CMIP: variants seen among roughly 807,000 people sequenced by gnomAD.
CMIP encodes C-Maf-inducing protein.
Under a neutral mutation model 97.3 loss-of-function variants are expected in CMIP, and 13 were observed. The observed-to-expected ratio is 0.13, with a 90% CI of 0.09 to 0.21. The LOEUF (loss-of-function observed/expected upper bound fraction) is 0.21, where lower values mean the gene tolerates loss of function less well. Among genes scored for constraint, CMIP ranks in the 10% least tolerant of loss-of-function variants. The pLI is 1.00. For synonymous variants in CMIP, 538 were observed against 436.3 expected, an observed-to-expected ratio of 1.23 and a Z score of -2.91; for missense variants, 847 against 1,024.9, an observed-to-expected ratio of 0.83 and a Z score of 2.37.
chr16:81,449,701 G>A (rs952828702), intron 1 of CMIP, among the ~76,000 whole-genome samples: 11 of 150,278 alleles, frequency 7.3e-5, no homozygotes, highest in African/African-American at 2.5e-4. Flanking sequence ...ATTTGTCATA[G>A]GAGGATTTTG....
intron 10 of CMIP, among the ~76,000 whole-genome samples, chr16:81,681,938 G>T (rs549047022): frequency 2.0e-5 from 3 of 152,332 alleles, no homozygotes; most frequent in Admixed American, 6.5e-5. Flanking sequence ...GCCTGGTGCG[G>T]TGGCTCACGC....
intron 1 of CMIP, 127 bp from the exon 2 acceptor site, chr16:81,607,440 G>GAGCTCCT: frequency 2.4e-6 from 3 of 1,235,630 alleles, no homozygotes; most frequent in Non-Finnish European, 3.4e-6. Context: ...CAGAGGTGCT[G>GAGCTCCT]AGCTCCTGCA....
intron 1 of CMIP, among the ~76,000 whole-genome samples, chr16:81,459,111 T>C (rs1482961299): frequency 2.0e-5 from 3 of 152,270 alleles, no homozygotes; most frequent in East Asian, 3.9e-4. Flanking sequence ...ACCGCTTCTC[T>C]TGTGTTGGGT....
At chr16:81,510,242 C>T (rs1416512254) in intron 1 of CMIP, among the ~76,000 whole-genome samples, 1 of 152,104 alleles carries the variant, frequency 6.6e-6, no homozygotes, top group African/African-American at 2.4e-5. Context: ...TCACAGCTGC[C>T]CAGGAGCTCC....
At chr16:81,499,737 GTCCTTTACCCC>G (rs1352184617) in intron 1 of CMIP, among the ~76,000 whole-genome samples, 3 of 152,250 alleles carry the variant, frequency 2.0e-5, no homozygotes, top group African/African-American at 7.2e-5. Context: ...TCCCCGTCCA[GTCCTTTACCCC>G]TCCTTTACCC....
chr16:81,487,839 GCAGCA>G (rs1164082071), intron 1 of CMIP, among the ~76,000 whole-genome samples: 2 of 152,166 alleles, frequency 1.3e-5, no homozygotes, highest in East Asian at 3.9e-4. Context: ...GCTTAGCCCA[GCAGCA>G]TCTCAGAGCA....
chr16:81,574,761 G>A (rs535605275), intron 1 of CMIP, among the ~76,000 whole-genome samples: 2 of 152,142 alleles, frequency 1.3e-5, no homozygotes, highest in African/African-American at 2.4e-5. Context: ...CCCTGTTCTC[G>A]GGAGGCTCAC....
At chr16:81,555,784 G>A (rs1324531920) in intron 1 of CMIP, among the ~76,000 whole-genome samples, 2 of 152,172 alleles carry the variant, frequency 1.3e-5, no homozygotes, top group Admixed American at 6.5e-5. Flanking sequence ...CTCCGGGCTG[G>A]TTATTGCCAT....
intron 1 of CMIP, among the ~76,000 whole-genome samples, chr16:81,564,195 C>G (rs966736062): frequency 8.5e-5 from 13 of 152,202 alleles, no homozygotes; most frequent in Non-Finnish European, 1.3e-4. Flanking sequence ...GCCGCCCTCA[C>G]ACAGGCAAGG....
At chr16:81,564,716 C>T (rs1380765889) in intron 1 of CMIP, among the ~76,000 whole-genome samples, 3 of 152,190 alleles carry the variant, frequency 2.0e-5, no homozygotes, top group African/African-American at 7.2e-5. Context: ...GATGACCCTG[C>T]AGATTGCACT....
At chr16:81,645,836 A>G (rs1239424131) in intron 3 of CMIP, 6 of 568,654 alleles carry the variant, frequency 1.1e-5, no homozygotes, top group Non-Finnish European at 1.6e-5. Context: ...TAAGTGTTTT[A>G]TATATTATCT....
chr16:81,580,145 C>T (rs2091271315), intron 1 of CMIP, among the ~76,000 whole-genome samples: 1 of 152,180 alleles, frequency 6.6e-6, no homozygotes, highest in South Asian at 2.1e-4. Flanking sequence ...TGCTTAGCTG[C>T]CTTGACACCC....
At position 81,671,925 on chromosome 16, in the gene CMIP, C is replaced by T. The variant is rs555892804; in HGVS notation, c.930-41C>T. 144 of 1,148,394 alleles carry T rather than the reference C, an allele frequency of 1.3e-4. 4 individuals carry two copies. In the South Asian group the frequency reaches 1.7e-3, roughly 13 times the overall value. The allele number at this position is 1,148,394 out of a possible 1,614,324, so 71.1% of individuals were successfully genotyped here. ...CCCCTTACCCTGTCCATGGGCCCCA[C>T]TCCTGCAGGCTTCTCACCCCAGCCC... is the stretch of plus-strand genomic sequence containing the variant. On this transcript the variant is annotated intron_variant, in intron 8 of 20. Transcript: ENST00000537098.
Position 81,674,000 on chromosome 16 carries a change from G to T in CMIP, c.1034+1930G>T, listed in dbSNP as rs76556274. ...AGGGGGGATTTCTCAAACAAATGCC[G>T]TACTGCTGAGTTCTTCGGAGGGGCA... On this transcript the variant is annotated intron_variant, in intron 9 of 20. Coordinates refer to ENST00000537098, the MANE Select transcript of CMIP (RefSeq NM_198390.3). Among the ~76,000 whole-genome samples, 335 of 152,336 alleles carry T rather than the reference G, an allele frequency of 2.2e-3. 5 individuals are homozygous for T. The highest frequency in any genetic ancestry group is 7.9e-3 in the African/African-American group (328 of 41,564).
At chr16:81,635,749 G>A (rs960232867) in intron 3 of CMIP, among the ~76,000 whole-genome samples, 12 of 152,186 alleles carry the variant, frequency 7.9e-5, no homozygotes, top group African/African-American at 2.7e-4. Context: ...TAAATAAGGA[G>A]TTTTCAGGGT....
At chr16:81,485,843 T>G (rs915573064) in intron 1 of CMIP, among the ~76,000 whole-genome samples, 1 of 152,314 alleles carries the variant, frequency 6.6e-6, no homozygotes, top group South Asian at 2.1e-4. Flanking sequence ...TGCTAATGAA[T>G]GATAGAGCTG....
At chr16:81,645,636 C>G (rs564076134) in intron 3 of CMIP, 1 of 1,533,952 alleles carries the variant, frequency 6.5e-7, no homozygotes, top group African/African-American at 1.4e-5. Context: ...AGGGTGAGGA[C>G]AGCGCTGGAG....
intron 1 of CMIP, among the ~76,000 whole-genome samples, chr16:81,502,658 C>T (rs1474015244): frequency 6.6e-6 from 1 of 152,186 alleles, no homozygotes; most frequent in Non-Finnish European, 1.5e-5. Flanking sequence ...CCAAGACCTG[C>T]CCTTGTGAGA....
chr16:81,652,266 G>C lies in CMIP; in HGVS notation c.541G>C (p.Glu181Gln). Reference sequence around the variant, plus strand: ...AAGCCGCTGGGAAGTTGTCTTGAAAGAGATCCGGACCCTGGTGGACATGGC... The same window carrying C: ...AAGCCGCTGGGAAGTTGTCTTGAAACAGATCCGGACCCTGGTGGACATGGC... Reference protein sequence around the residue: ...NPSRWEVVLKEIRTLVDMALT... With the variant: ...NPSRWEVVLKQIRTLVDMALT... Residue 181 changes from glutamate (E) to glutamine (Q), a missense_variant, in exon 4 of 21, where the codon GAG becomes CAG. Glu to Gln is a conservative substitution (Grantham distance 29). This residue lies in a region of CMIP where 285 missense variants were observed against 392.2 expected (regional missense o/e 0.73). Coordinates refer to ENST00000537098, the MANE Select transcript of CMIP (RefSeq NM_198390.3). The surrounding 1 kb of genome is among the most constrained non-coding windows in gnomAD (Gnocchi z 5.2). The C allele has an allele frequency of 6.2e-7, 1 of 1,613,816 alleles. No individual in the cohort carries two copies. Among genetic ancestry groups the C allele is most frequent in the Non-Finnish European group, 8.5e-7 (1 of 1,179,718 alleles).
Sources: gnomAD v4.1 joint callset for allele counts (sites outside exome capture counted in the v4.1 genomes callset) on GRCh38, gnomAD v4.1.1 for gene constraint, gnomAD v4.1.1 regional missense constraint, Gnocchi (gnomAD v3.1) non-coding constraint, MANE v1.5 for transcripts, NCBI Gene and HGNC (gene_info 2026-07-23, HGNC 2026-07-21) for gene names.